The following SLIT3 variants were observed in gnomAD, a reference collection of about 807,000 sequenced individuals.
SLIT3 encodes the protein slit guidance ligand 3.
SLIT3 carries 68 observed loss-of-function variants against 184.0 expected under a neutral mutation model. The observed-to-expected ratio is 0.37, with a 90% CI of 0.30 to 0.45. The LOEUF (loss-of-function observed/expected upper bound fraction) is 0.45, where lower values mean the gene tolerates loss of function less well. Ranked by LOEUF, SLIT3 falls within the 20% of genes least tolerant of loss-of-function variation. SLIT3 has a pLI of 1.00. For missense variants in SLIT3, 1,707 were observed against 2,026.0 expected (o/e 0.84, Z 3.02); for synonymous variants, 831 against 828.6 (o/e 1.00, Z -0.05).
intron 14 of SLIT3, among the ~76,000 whole-genome samples, chr5:168,770,058 A>G (rs1022378380): frequency 6.6e-6 from 1 of 152,350 alleles, no homozygotes; most frequent in Admixed American, 6.5e-5. Context: ...GCGGGGAGGC[A>G]TGAAGGAAGA....
chr5:168,802,718 T>C (rs1177455669), intron 9 of SLIT3, among the ~76,000 whole-genome samples: 2 of 152,234 alleles, frequency 1.3e-5, no homozygotes, highest in East Asian at 1.9e-4. Context: ...ATGTGGTTTC[T>C]AACCATTGTC....
At chr5:168,931,055 G>A (rs968053330) in intron 4 of SLIT3, among the ~76,000 whole-genome samples, 1 of 152,082 alleles carries the variant, frequency 6.6e-6, no homozygotes. Context: ...CAGCCAGCCC[G>A]GCCCAACACC....
chr5:168,786,798 A>G (rs1353031827), intron 11 of SLIT3, among the ~76,000 whole-genome samples: 5 of 152,022 alleles, frequency 3.3e-5, no homozygotes, highest in Admixed American at 6.6e-5. Context: ...AAGGCACTAG[A>G]GAAGCTCGGC....
intron 4 of SLIT3, among the ~76,000 whole-genome samples, chr5:169,109,005 GC>G (rs978879210): frequency 2.6e-5 from 4 of 152,134 alleles, no homozygotes; most frequent in African/African-American, 4.8e-5. Flanking sequence ...TTTTTGTGAT[GC>G]CCCCCACTTG....
chr5:168,676,525 A>G (rs1381263284), intron 32 of SLIT3, among the ~76,000 whole-genome samples: 1 of 152,234 alleles, frequency 6.6e-6, no homozygotes. Flanking sequence ...AGGGCAAGGC[A>G]GAGGCCTCTG....
intron 4 of SLIT3, among the ~76,000 whole-genome samples, chr5:168,960,344 A>G (rs1450658601): frequency 1.3e-5 from 2 of 152,244 alleles, no homozygotes; most frequent in Non-Finnish European, 2.9e-5. Context: ...TTTGAAAAGA[A>G]AGAATTTAAA....
chr5:168,770,417 C>T (rs1436512406), intron 14 of SLIT3, among the ~76,000 whole-genome samples: 2 of 152,080 alleles, frequency 1.3e-5, no homozygotes, highest in Non-Finnish European at 2.9e-5. Context: ...TGTCACCTGC[C>T]CCCCTTCTTT....
chr5:169,135,406 C>A lies in SLIT3; in HGVS notation c.413+58073G>T, dbSNP rs117488105. On this transcript the variant is annotated intron_variant, in intron 4 of 35. Coordinates refer to ENST00000519560, the MANE Select transcript of SLIT3 (RefSeq NM_003062.4). ...GGATTACATACGTGAGCCACCACAC[C>A]CGGCAGATCAGTGTTTTTTTTTAAT... Among the ~76,000 whole-genome samples, 189 of 144,480 alleles carry A rather than the reference C, an allele frequency of 1.3e-3. 4 individuals are homozygous for A. The East Asian group carries it at 0.032, about 24-fold the overall frequency. The allele number at this position is 144,480 out of a possible 152,430, so 94.8% of individuals were successfully genotyped here.
At chr5:169,088,938 C>T (rs576422522) in intron 4 of SLIT3, among the ~76,000 whole-genome samples, 7 of 142,078 alleles carry the variant, frequency 4.9e-5, no homozygotes, top group Non-Finnish European at 9.0e-5. Context: ...GAGAATCGCT[C>T]GTACCTGGGA....
intron 28 of SLIT3, among the ~76,000 whole-genome samples, chr5:168,695,608 T>C (rs1019542360): frequency 2.6e-5 from 4 of 152,218 alleles, no homozygotes; most frequent in African/African-American, 9.6e-5. Context: ...AGCATTTTGC[T>C]TCACAATCTA....
chr5:168,885,029 C>T (rs1214834248), intron 4 of SLIT3, among the ~76,000 whole-genome samples: 1 of 152,078 alleles, frequency 6.6e-6, no homozygotes, highest in African/African-American at 2.4e-5. Flanking sequence ...AAAATCTGGG[C>T]AGTCTAAATG....
At chr5:168,711,163 G>C (rs1356219002) in intron 24 of SLIT3, 105 bp from the exon 25 acceptor site, 2 of 1,065,302 alleles carry the variant, frequency 1.9e-6, no homozygotes, top group Non-Finnish European at 2.6e-6. Flanking sequence ...CTAGACTGGA[G>C]GTATCCAATA....
chr5:169,134,216 G>C (rs571215234), intron 4 of SLIT3, among the ~76,000 whole-genome samples: 2 of 152,122 alleles, frequency 1.3e-5, no homozygotes, highest in African/African-American at 4.8e-5. Flanking sequence ...ATCATGTTAC[G>C]TCCCTGCTTT....
intron 4 of SLIT3, among the ~76,000 whole-genome samples, chr5:168,981,803 T>C (rs1240355228): frequency 6.6e-6 from 1 of 152,234 alleles, no homozygotes; most frequent in African/African-American, 2.4e-5. Flanking sequence ...GCTTATTGTA[T>C]CAAAGACATC....
At chr5:168,997,182 G>A (rs1233159648) in intron 4 of SLIT3, among the ~76,000 whole-genome samples, 1 of 152,098 alleles carries the variant, frequency 6.6e-6, no homozygotes, top group Non-Finnish European at 1.5e-5. Flanking sequence ...CCAGACACAG[G>A]GTCTGGAAGC....
At chr5:168,947,462 C>G (rs1488202085) in intron 4 of SLIT3, among the ~76,000 whole-genome samples, 1 of 152,076 alleles carries the variant, frequency 6.6e-6, no homozygotes, top group Admixed American at 6.6e-5. Context: ...GGTGGCAGTG[C>G]AGAGATGTTG....
intron 5 of SLIT3, among the ~76,000 whole-genome samples, chr5:168,871,928 T>A (rs1169474028): frequency 6.6e-6 from 1 of 152,194 alleles, no homozygotes; most frequent in Non-Finnish European, 1.5e-5. Flanking sequence ...CACCATTATG[T>A]CAACCTCCTC....
chr5:168,926,944 T>C (rs1761846056), intron 4 of SLIT3, among the ~76,000 whole-genome samples: 1 of 152,140 alleles, frequency 6.6e-6, no homozygotes, highest in Admixed American at 6.5e-5. Flanking sequence ...ACAGTGCAAT[T>C]GCTTTGGAAA....
At chr5:168,897,647 T>TGCACACACACACACACATACACAC (rs3223457) in intron 4 of SLIT3, among the ~76,000 whole-genome samples, 1 of 141,414 alleles carries the variant, frequency 7.1e-6, no homozygotes, top group Non-Finnish European at 1.5e-5. Flanking sequence ...CAGGTGCACG[T>TGCACACACACACACACATACACAC]ACACACACAC....
Sources: allele counts gnomAD v4.1 joint callset (sites outside exome capture counted in the v4.1 genomes callset), GRCh38; gene constraint gnomAD v4.1.1; transcripts MANE v1.5; gene names NCBI Gene and HGNC (gene_info 2026-07-23, HGNC 2026-07-21).